The following FBN3 variants were observed in gnomAD, a reference collection of about 807,000 sequenced individuals.
FBN3 encodes the protein fibrillin-3.
FBN3 carries 234 observed loss-of-function variants against 330.1 expected under a neutral mutation model. That is an observed-to-expected ratio of 0.71 (90% CI 0.64 to 0.79). The LOEUF is 0.79. Among genes scored for constraint, FBN3 ranks in the 30% least tolerant of loss-of-function variants. The pLI, the probability that FBN3 is intolerant of heterozygous loss-of-function variation, is 0.00. For synonymous variants in FBN3, 1,458 were observed against 1,517.3 expected (o/e 0.96, Z 0.91); for missense variants, 3,606 against 3,886.9 (o/e 0.93, Z 1.92).
intron 36 of FBN3, 92 bp from the exon 37 acceptor site, chr19:8,108,330 CAA>C (rs1224364770): frequency 1.1e-6 from 1 of 952,132 alleles, no homozygotes; most frequent in Admixed American, 2.5e-5. Flanking sequence ...GAAAAGGGCT[CAA>C]GAGTGGGCTC....
chr19:8,089,814 G>A (rs1372801339), intron 50 of FBN3, 80 bp downstream of exon 50: 11 of 1,531,924 alleles, frequency 7.2e-6, no homozygotes, highest in Non-Finnish European at 9.7e-6. Context: ...GGGGGAGCCT[G>A]AAACTCAGAG....
intron 13 of FBN3, among the ~76,000 whole-genome samples, chr19:8,133,378 T>C (rs2083196456): frequency 6.6e-6 from 1 of 152,274 alleles, no homozygotes. Flanking sequence ...TGGTGGTTTT[T>C]GCACAACATT....
At chr19:8,142,208 CCTT>C in intron 6 of FBN3, 71 bp from the exon 7 acceptor site, 1 of 1,263,228 alleles carries the variant, frequency 7.9e-7, no homozygotes, top group Non-Finnish European at 1.1e-6. Context: ...GTCTCTAACA[CCTT>C]CTCAGCGGCC....
intron 48 of FBN3, 52 bp from the exon 49 acceptor site, chr19:8,090,303 C>T: frequency 1.2e-6 from 2 of 1,603,198 alleles, no homozygotes; most frequent in Non-Finnish European, 1.7e-6. Flanking sequence ...GCAGTGCCCA[C>T]CTGCCCCTGT....
intron 16 of FBN3, among the ~76,000 whole-genome samples, chr19:8,130,945 A>G (rs2083132522): frequency 6.6e-6 from 1 of 152,078 alleles, no homozygotes; most frequent in Non-Finnish European, 1.5e-5. Flanking sequence ...TGACGCCTCT[A>G]TGAGCCAAGA....
In FBN3 at chr19:8,117,177, G is replaced by A; in HGVS notation, c.3578C>T (p.Ala1193Val). 6.2e-7 allele frequency: 1 copy of A among 1,614,074 alleles called. No individual in the cohort carries two copies. Among genetic ancestry groups the A allele is most frequent in the East Asian group, 2.2e-5 (1 of 44,876 alleles). The part of the protein sequence containing the change: ...QGYSLMPDGR[A>V]CADVDECEEN... Reference sequence around the variant, plus strand: ...AAGTTGTGCCCACCTACCTGCACATGCCCTTCCGTCGGGCATCAGCGAGTA... The same window carrying A: ...AAGTTGTGCCCACCTACCTGCACATACCCTTCCGTCGGGCATCAGCGAGTA... The change falls in exon 28 of 64, where the codon GCA (alanine) becomes GTA (valine). Residue 1193 changes from alanine (A) to valine (V), a missense_variant. Transcript: ENST00000600128.
chr19:8,094,578 G>A lies in FBN3; in HGVS notation c.5786-13C>T. On this transcript the variant is annotated splice_polypyrimidine_tract_variant and intron_variant, in intron 46 of 63. Transcript: ENST00000600128. Reference sequence around the variant, plus strand: ...CACTCATTGGTGTCTGTGAAAAGGAGGAAGAAAGGTCCTTGTGCCAGCCAG... The same window carrying A: ...CACTCATTGGTGTCTGTGAAAAGGAAGAAGAAAGGTCCTTGTGCCAGCCAG... 6.2e-7 allele frequency: 1 copy of A among 1,610,936 alleles called. No individual in the cohort carries two copies. The highest frequency in any genetic ancestry group is 8.5e-7 in the Non-Finnish European group (1 of 1,177,990).
intron 22 of FBN3, among the ~76,000 whole-genome samples, chr19:8,124,881 A>G (rs895237121): frequency 6.6e-6 from 1 of 152,226 alleles, no homozygotes; most frequent in African/African-American, 2.4e-5. Flanking sequence ...TGACACTACA[A>G]TGGTGAACAT....
rs974752464 is a variant in FBN3, at chr19:8,129,827, G to T, written c.2045-462C>A. ...AATCCCACCACTTTGGGAGGCTGAG[G>T]TGGGAGGATTGCTTGAGCCCAGGAG... is the stretch of plus-strand genomic sequence containing the variant. On this transcript the variant is annotated intron_variant, in intron 16 of 63. Coordinates refer to ENST00000600128, the MANE Select transcript of FBN3 (RefSeq NM_032447.5). The surrounding 1 kb of genome is among the most constrained non-coding windows in gnomAD (Gnocchi z 4.5). 1.3e-5 allele frequency among the ~76,000 whole-genome samples: 2 copies of T among 152,160 alleles called. No homozygotes were observed. The highest frequency in any genetic ancestry group is 2.9e-5 in the Non-Finnish European group (2 of 68,038).
At position 8,090,583 on chromosome 19, in the gene FBN3, G is replaced by T. The variant is rs563642723; in HGVS notation, c.6032-332C>A. Among the ~76,000 whole-genome samples, 202 of 151,198 alleles carry T rather than the reference G, an allele frequency of 1.3e-3. 2 individuals carry two copies. The highest frequency in any genetic ancestry group is 4.7e-3 in the African/African-American group (194 of 41,176). On this transcript the variant is annotated intron_variant, in intron 48 of 63. Transcript: ENST00000600128. ...ACTGCAACCTCTACCTCCCAGGTTCGAGTGATTCTCCTGCCTCAGCCTCCC... is the reference window on the plus strand; with the variant it reads ...ACTGCAACCTCTACCTCCCAGGTTCTAGTGATTCTCCTGCCTCAGCCTCCC...
rs959295514 is a variant in FBN3, at chr19:8,149,286, G to A, written c.-18+163C>T. On this transcript the variant is annotated intron_variant, in intron 1 of 63. Transcript: ENST00000600128. The surrounding 1 kb of genome is among the most constrained non-coding windows in gnomAD (Gnocchi z 5.5). ...GCGCCCCCACTCCCCACTGCGGCGG[G>A]CGCCACTAGAAGGCGGAGAGGGGAG... Among the ~76,000 whole-genome samples, 3 of 151,760 alleles carry A rather than the reference G, an allele frequency of 2.0e-5. No homozygotes were observed. The highest frequency in any genetic ancestry group is 4.4e-5 in the Non-Finnish European group (3 of 67,876).
chr19:8,089,437 A>T, intron 51 of FBN3, 108 bp downstream of exon 51: 2 of 1,247,430 alleles, frequency 1.6e-6, no homozygotes, highest in Non-Finnish European at 2.2e-6. Context: ...GGCAGTGGTT[A>T]AGGACAGGAT....
At position 8,121,832 on chromosome 19, in the gene FBN3, T is replaced by C. The variant is rs943991007; in HGVS notation, c.3083-446A>G. ...TGATGCAATCTCGGCTCACTGCAAC[T>C]TCTGCCTCCCAGGATCAAGCGATTC... On this transcript the variant is annotated intron_variant, in intron 24 of 63. Transcript: ENST00000600128. This position sits in a 1 kb window ranked among gnomAD's most constrained non-coding sequence, Gnocchi z 4.5. Among the ~76,000 whole-genome samples, 27 of 151,984 alleles carry C rather than the reference T, an allele frequency of 1.8e-4. No individual in the cohort carries two copies. The highest frequency in any genetic ancestry group is 6.5e-4 in the African/African-American group (27 of 41,366).
chr19:8,086,440 A>C, intron 54 of FBN3, 115 bp from the exon 55 acceptor site: 3 of 376,966 alleles, frequency 8.0e-6, no homozygotes, highest in Non-Finnish European at 1.3e-5. Flanking sequence ...TTTTTATTTT[A>C]TTTATTTTTA....
intron 29 of FBN3, among the ~76,000 whole-genome samples, chr19:8,116,148 G>T (rs1568417555): frequency 6.6e-6 from 1 of 152,134 alleles, no homozygotes; most frequent in Non-Finnish European, 1.5e-5. Flanking sequence ...GAGTTACATT[G>T]TTACTTCCCG....
chr19:8,127,184 A>G (rs2083015650), intron 18 of FBN3, among the ~76,000 whole-genome samples: 1 of 151,370 alleles, frequency 6.6e-6, no homozygotes, highest in Non-Finnish European at 1.5e-5. Context: ...CAGCCTCCCA[A>G]GTAGCTGGGA....
chr19:8,136,879 TGGGCCTGGATCCCTCCAACCTG>T (rs2083295082), intron 10 of FBN3, among the ~76,000 whole-genome samples: 1 of 87,108 alleles, frequency 1.1e-5, no homozygotes, highest in East Asian at 2.6e-4. Context: ...CCCTCCAACC[TGGGCCTGGATCCCTCCAACCTG>T]GGGCCTGGAT....
At position 8,081,354 on chromosome 19, in the gene FBN3, T is replaced by C; in HGVS notation, c.7336+4A>G. The C allele has an allele frequency of 6.3e-7, 1 of 1,596,358 alleles. No homozygotes were observed. Among genetic ancestry groups the C allele is most frequent in the African/African-American group, 1.3e-5 (1 of 74,736 alleles). ...GGAGTGGGGGAGAGTTGAAAGGACA[T>C]CACCTTTGCAGGTCCTGCCATCCTC... On this transcript the variant is annotated splice_donor_region_variant and intron_variant, in intron 58 of 63. Transcript: ENST00000600128.
At chr19:8,081,245 G>T in intron 58 of FBN3, 113 bp downstream of exon 58, 2 of 1,481,850 alleles carry the variant, frequency 1.3e-6, no homozygotes. Flanking sequence ...GATGGTGCTT[G>T]ACTCCATGCA....
Sources: allele counts gnomAD v4.1 joint callset (sites outside exome capture counted in the v4.1 genomes callset), GRCh38; gene constraint gnomAD v4.1.1; non-coding constraint Gnocchi (gnomAD v3.1); transcripts MANE v1.5; gene names NCBI Gene and HGNC (gene_info 2026-07-23, HGNC 2026-07-21).